IHO1: variants seen among roughly 807,000 people sequenced by gnomAD.
The protein encoded by IHO1 is interactor of HORMAD1 1, also known as interactor of HORMAD1 protein 1.
IHO1 carries 13 observed loss-of-function variants against 31.0 expected under a neutral mutation model. The observed-to-expected ratio is 0.42, with a 90% CI of 0.27 to 0.67. IHO1 has a LOEUF of 0.67. IHO1 is among the 30% of genes least tolerant of loss of function. The probability of loss-of-function intolerance (pLI) is 0.24; values close to 1 mark genes in which losing one functional copy is unlikely to be tolerated. For synonymous variants in IHO1, 221 were observed against 248.4 expected, an observed-to-expected ratio of 0.89 and a Z score of 1.04; for missense variants, 599 against 687.5, an observed-to-expected ratio of 0.87 and a Z score of 1.44.
chr3:49,191,601 G>T, the IHO1 span: 1 of 868,688 alleles, frequency 1.2e-6, no homozygotes, highest in South Asian at 1.4e-5. Flanking sequence ...ACCTCAAGAT[G>T]GTGGAGAGGA....
intron 1 of IHO1, among the ~76,000 whole-genome samples, chr3:49,202,698 TAG>T (rs2046084816): frequency 6.7e-6 from 1 of 150,000 alleles, no homozygotes; most frequent in African/African-American, 2.5e-5. Flanking sequence ...TTTTTTCAGA[TAG>T]AGTCTCGCTC....
At chr3:49,213,915 T>A (rs1182515084) in intron 2 of IHO1, 1 of 377,610 alleles carries the variant, frequency 2.6e-6, no homozygotes, top group Non-Finnish European at 5.7e-6. Context: ...GAAGGGCTCC[T>A]CAAGCATGGC....
chr3:49,254,559 G>A (rs920090785), intron 6 of IHO1, among the ~76,000 whole-genome samples: 2 of 152,062 alleles, frequency 1.3e-5, no homozygotes, highest in Non-Finnish European at 2.9e-5. Flanking sequence ...GGACTAAGGT[G>A]GTGATTGGTT....
At chr3:49,194,783 C>T (rs2045988259), upstream of IHO1, among the ~76,000 whole-genome samples, 1 of 151,546 alleles carries the variant, frequency 6.6e-6, no homozygotes, top group African/African-American at 2.4e-5. Flanking sequence ...GTGGTCTCAA[C>T]TATTCGAGAG....
At chr3:49,221,214 CACAGAGCGCTGATTGGTGTATTTTT>C (rs1281007183) in intron 2 of IHO1, among the ~76,000 whole-genome samples, 1 of 151,586 alleles carries the variant, frequency 6.6e-6, no homozygotes. Flanking sequence ...TTTAGCTAGA[CACAGAGCGCTGATTGGTGTATTTTT>C]ACAGAGTGCT....
At chr3:49,200,475 A>AAAGAAAAGAAAGAAAGAAAG in intron 1 of IHO1, 1 of 103,858 alleles carries the variant, frequency 9.6e-6, no homozygotes, top group Non-Finnish European at 1.3e-5. Flanking sequence ...AAAAAAAAAA[A>AAAGAAAAGAAAGAAAGAAAG]AAAGAAAGAA....
intron 2 of IHO1, chr3:49,228,207 G>A (rs1387361709): frequency 2.7e-6 from 1 of 364,132 alleles, no homozygotes; most frequent in African/African-American, 2.1e-5. Context: ...CACAGCCGCA[G>A]GGTCAACCAA....
At chr3:49,199,299 C>T (rs987389291), upstream of IHO1, among the ~76,000 whole-genome samples, 4 of 152,222 alleles carry the variant, frequency 2.6e-5, no homozygotes, top group Admixed American at 6.5e-5. Context: ...CGTTAGCTGC[C>T]TGTCGCGGCG....
intron 2 of IHO1, among the ~76,000 whole-genome samples, chr3:49,225,235 G>C (rs1030708005): frequency 1.3e-5 from 2 of 152,206 alleles, no homozygotes; most frequent in Non-Finnish European, 2.9e-5. Flanking sequence ...GGAGGCTGAG[G>C]CGGGCAGATC....
intron 1 of IHO1, chr3:49,199,793 A>G (rs1243602371): frequency 6.6e-6 from 1 of 152,172 alleles, no homozygotes; most frequent in African/African-American, 2.4e-5. Flanking sequence ...ATCCTTGGAG[A>G]GCAGTTTTCA....
At chr3:49,242,036 T>G (rs2046638385) in intron 4 of IHO1, among the ~76,000 whole-genome samples, 1 of 151,720 alleles carries the variant, frequency 6.6e-6, no homozygotes, top group African/African-American at 2.4e-5. Context: ...ATCCGCCTCC[T>G]GGGTTCAAGT....
intron 2 of IHO1, chr3:49,228,356 C>A (rs1230044144): frequency 2.2e-6 from 1 of 447,994 alleles, no homozygotes; most frequent in Admixed American, 2.4e-5. Context: ...TGTTAGAGAG[C>A]CCTTTCCTAG....
At chr3:49,235,911 C>G (rs1224990282) in intron 2 of IHO1, among the ~76,000 whole-genome samples, 2 of 132,188 alleles carry the variant, frequency 1.5e-5, no homozygotes, top group African/African-American at 5.8e-5. Context: ...GCCTGGGCAA[C>G]AGAGTGAGAC....
At chr3:49,235,280 G>A (rs2046544330) in intron 2 of IHO1, among the ~76,000 whole-genome samples, 1 of 148,088 alleles carries the variant, frequency 6.8e-6, no homozygotes, top group Non-Finnish European at 1.5e-5. Flanking sequence ...AGGCTGGAGT[G>A]CAGTGGTGCA....
chr3:49,203,126 C>T (rs1028940528), intron 1 of IHO1, among the ~76,000 whole-genome samples: 15 of 152,238 alleles, frequency 9.9e-5, no homozygotes, highest in Non-Finnish European at 1.3e-4. Context: ...CTCAGCCTCG[C>T]GAAGTGCTAG....
At chr3:49,225,632 A>G (rs959872071) in intron 2 of IHO1, among the ~76,000 whole-genome samples, 7 of 152,192 alleles carry the variant, frequency 4.6e-5, no homozygotes, top group African/African-American at 1.7e-4. Context: ...GCTTTGGCTA[A>G]TATATCCCTC....
At chr3:49,243,446 A>G (rs2046654926) in intron 4 of IHO1, among the ~76,000 whole-genome samples, 1 of 151,480 alleles carries the variant, frequency 6.6e-6, no homozygotes, top group Admixed American at 6.6e-5. Context: ...TGCCCAGCCC[A>G]TGTGTGAGTC....
At chr3:49,255,990 G>C in intron 7 of IHO1, 144 bp from the exon 8 acceptor site, 1 of 705,528 alleles carries the variant, frequency 1.4e-6, no homozygotes, top group East Asian at 2.6e-5. Flanking sequence ...CAACTCCCGA[G>C]TGTAATTGTG....
chr3:49,229,588 G>T (rs1469611661), intron 2 of IHO1, among the ~76,000 whole-genome samples: 1 of 152,192 alleles, frequency 6.6e-6, no homozygotes, highest in Non-Finnish European at 1.5e-5. Context: ...AGCTTATTGG[G>T]TGAATCAAAT....
Sources: gnomAD v4.1 joint callset for allele counts (sites outside exome capture counted in the v4.1 genomes callset) on GRCh38, gnomAD v4.1.1 for gene constraint, MANE v1.5 for transcripts, NCBI Gene and HGNC (gene_info 2026-07-23, HGNC 2026-07-21) for gene names.